ANKHD1: variants seen among roughly 807,000 people sequenced by gnomAD.
ANKHD1 encodes ankyrin repeat and KH domain containing 1.
In ANKHD1, 31 loss-of-function variants were observed where a neutral mutation model predicts 230.5. The ratio of observed to expected loss-of-function variants is 0.13; its 90% CI spans 0.10 to 0.18. The LOEUF is 0.18. Among genes scored for constraint, ANKHD1 ranks in the 10% least tolerant of loss-of-function variants. The pLI is 1.00. For missense variants in ANKHD1, 2,256 were observed against 3,071.3 expected (o/e 0.73, Z 6.27); for synonymous variants, 1,074 against 1,117.6 (o/e 0.96, Z 0.78).
At chr5:140,409,043 C>T (rs1770710770) in intron 1 of ANKHD1, among the ~76,000 whole-genome samples, 1 of 152,116 alleles carries the variant, frequency 6.6e-6, no homozygotes, top group African/African-American at 2.4e-5. Flanking sequence ...TTATGATAGC[C>T]AAAAATTGTT....
In ANKHD1 at chr5:140,436,261, CTTTAT is replaced by C. The variant is rs1298905338; in HGVS notation, c.460+8_460+12del. 6.5e-7 allele frequency: 1 copy of C among 1,541,974 alleles called. No individual in the cohort carries two copies. The highest frequency in any genetic ancestry group is 2.4e-5 in the East Asian group (1 of 42,416). On this transcript the variant is annotated splice_donor_5th_base_variant and intron_variant, in intron 2 of 33. Transcript: ENST00000360839. ...GAAGCATTGCTAGAAGCAGCAGGTA[CTTTAT>C]TTTTTGTTTTATCTTTTTCATATCT...
intron 22 of ANKHD1, 70 bp from the exon 23 acceptor site, chr5:140,512,754 ACTTT>A (rs1752825635): frequency 4.4e-6 from 6 of 1,364,768 alleles, no homozygotes; most frequent in Non-Finnish European, 6.0e-6. Context: ...CTGTTGTTTT[ACTTT>A]CTTTTATTCT....
intron 7 of ANKHD1, among the ~76,000 whole-genome samples, chr5:140,457,103 A>G (rs1202762474): frequency 6.6e-6 from 1 of 152,246 alleles, no homozygotes; most frequent in Non-Finnish European, 1.5e-5. Flanking sequence ...ACATGAAAAA[A>G]TGCTCCTCAT....
At chr5:140,477,163 G>A (rs1038428082) in intron 10 of ANKHD1, among the ~76,000 whole-genome samples, 4 of 152,130 alleles carry the variant, frequency 2.6e-5, no homozygotes, top group African/African-American at 4.8e-5. Context: ...AGACAAAATG[G>A]AATTTTAAGC....
At position 140,438,620 on chromosome 5, in the gene ANKHD1, A is replaced by G; in HGVS notation, c.617+3A>G. 6.4e-7 allele frequency: 1 copy of G among 1,571,858 alleles called. No individual in the cohort carries two copies. Among genetic ancestry groups the G allele is most frequent in the Non-Finnish European group, 8.6e-7 (1 of 1,158,194 alleles). ...CACAATGCAGGACAAGTGGACACGT[A>G]TGTGTTTAATGACTTTTGGATATTA... is the stretch of plus-strand genomic sequence containing the variant. On this transcript the variant is annotated splice_donor_region_variant and intron_variant, in intron 3 of 33. Transcript: ENST00000360839.
chr5:140,505,927 T>C (rs1752514855), intron 18 of ANKHD1, 58 bp downstream of exon 18: 1 of 1,521,130 alleles, frequency 6.6e-7, no homozygotes, highest in Admixed American at 2.3e-5. Flanking sequence ...AAAATATGCA[T>C]ATGATTCGTA....
intron 18 of ANKHD1, 123 bp downstream of exon 18, chr5:140,505,992 C>T: frequency 6.9e-7 from 1 of 1,447,674 alleles, no homozygotes; most frequent in Non-Finnish European, 9.2e-7. Flanking sequence ...TTTTCTGAGG[C>T]AGGGTCTTGC....
intron 29 of ANKHD1, among the ~76,000 whole-genome samples, chr5:140,532,639 A>T (rs62384164): frequency 0.41 from 61,653 of 152,050 alleles, 13,305 homozygotes; most frequent in East Asian, 0.55. Flanking sequence ...ATGTTCTAAA[A>T]TTGATGTGGT....
chr5:140,435,318 A>G (rs374153771), intron 1 of ANKHD1, among the ~76,000 whole-genome samples: 2 of 150,846 alleles, frequency 1.3e-5, no homozygotes, highest in Middle Eastern at 3.2e-3. Flanking sequence ...GTTCTATTCT[A>G]TCTAGTCTAT....
In ANKHD1 at chr5:140,459,351, T is replaced by C; in HGVS notation, c.1668T>C (p.Ala556=). ...TGGAATTGGTTAAATATTTGCTGGC[T>C]TCTGGTATGTGGCTTTAAGATGCCT... ...GHLELVKYLL[A]SGANVHATTA... is the part of the protein sequence containing the mutation. The change falls in exon 9 of 34, where the codon GCT becomes GCC. Residue 556 remains alanine, a synonymous_variant. Coordinates refer to ENST00000360839, the MANE Select transcript of ANKHD1 (RefSeq NM_017747.3). The C allele has an allele frequency of 6.4e-7, 1 of 1,563,674 alleles. No individual in the cohort carries two copies. Among genetic ancestry groups the C allele is most frequent in the Non-Finnish European group, 8.7e-7 (1 of 1,148,394 alleles).
At chr5:140,489,223 T>C (rs1192094285) in intron 14 of ANKHD1, among the ~76,000 whole-genome samples, 1 of 150,052 alleles carries the variant, frequency 6.7e-6, no homozygotes, top group African/African-American at 2.4e-5. Flanking sequence ...AGAAAAAAAA[T>C]TAGGCTATGT....
chr5:140,479,262 T>G (rs1206433623), intron 10 of ANKHD1, among the ~76,000 whole-genome samples: 1 of 152,030 alleles, frequency 6.6e-6, no homozygotes, highest in African/African-American at 2.4e-5. Context: ...CCTCCCAAAG[T>G]GCTGGGATTA....
In ANKHD1 at chr5:140,527,395, T is replaced by C. The variant is rs1273052696; in HGVS notation, c.5087+321T>C. ...GAACTAAAGTACTAATAATCAACTT[T>C]AGATTCAGAATACATGTCAGCTCAT... On this transcript the variant is annotated intron_variant, in intron 27 of 33. Coordinates refer to ENST00000360839, the MANE Select transcript of ANKHD1 (RefSeq NM_017747.3). The surrounding 1 kb of genome is among the most constrained non-coding windows in gnomAD (Gnocchi z 4.5). 3 of 255,402 alleles carry C rather than the reference T, an allele frequency of 1.2e-5. No homozygotes were observed. Among genetic ancestry groups the C allele is most frequent in the African/African-American group, 2.3e-5 (1 of 43,558 alleles). The allele number at this position is 255,402 out of a possible 1,614,324, so 15.8% of individuals were successfully genotyped here.
chr5:140,475,524 A>G (rs1390342508), intron 10 of ANKHD1, among the ~76,000 whole-genome samples: 1 of 152,196 alleles, frequency 6.6e-6, no homozygotes, highest in East Asian at 1.9e-4. Flanking sequence ...GCAAATTGTC[A>G]TATCCAGGTT....
At chr5:140,402,431 C>T (rs1407513603) in intron 1 of ANKHD1, among the ~76,000 whole-genome samples, 158 bp downstream of exon 1, 1 of 152,222 alleles carries the variant, frequency 6.6e-6, no homozygotes, top group Non-Finnish European at 1.5e-5. Context: ...GCCTAGTGAG[C>T]CCTCGGCTTA....
chr5:140,496,464 T>TTTC, intron 14 of ANKHD1, 56 bp from the exon 15 acceptor site: 1 of 852,198 alleles, frequency 1.2e-6, no homozygotes, highest in Non-Finnish European at 1.5e-6. Flanking sequence ...TTCTTTTCTT[T>TTTC]TTTTTTTTTT....
At chr5:140,426,692 C>G (rs1041572479) in intron 1 of ANKHD1, among the ~76,000 whole-genome samples, 2 of 152,098 alleles carry the variant, frequency 1.3e-5, no homozygotes, top group Non-Finnish European at 2.9e-5. Context: ...TCCCTGGGTA[C>G]TTGAGACCAG....
chr5:140,503,044 A>G (rs1178624873), intron 15 of ANKHD1, among the ~76,000 whole-genome samples: 1 of 152,184 alleles, frequency 6.6e-6, no homozygotes, highest in Non-Finnish European at 1.5e-5. Flanking sequence ...TAAACTAGTA[A>G]TCTACTAAAC....
At chr5:140,528,144 A>G (rs202029227) in intron 28 of ANKHD1, 40 bp from the exon 29 acceptor site, 4 of 1,516,018 alleles carry the variant, frequency 2.6e-6, no homozygotes, top group Non-Finnish European at 3.5e-6. Flanking sequence ...TTTTTTTTTT[A>G]ATGTTTTTGG....
Sources: gnomAD v4.1 joint callset for allele counts (sites outside exome capture counted in the v4.1 genomes callset) on GRCh38, gnomAD v4.1.1 for gene constraint, Gnocchi (gnomAD v3.1) non-coding constraint, MANE v1.5 for transcripts, NCBI Gene and HGNC (gene_info 2026-07-23, HGNC 2026-07-21) for gene names.